The following PPIL1 variants were observed in gnomAD, a reference collection of about 807,000 sequenced individuals.
PPIL1 encodes peptidylprolyl isomerase like 1, also known as peptidyl-prolyl cis-trans isomerase-like 1.
In PPIL1, 14 loss-of-function variants were observed where a neutral mutation model predicts 19.4. The ratio of observed to expected loss-of-function variants is 0.72; its 90% CI spans 0.48 to 1.13. PPIL1 has a LOEUF of 1.13. Ranked by LOEUF, PPIL1 falls within the 50% of genes most tolerant of loss-of-function variation. PPIL1 has a pLI of 0.00. For synonymous variants in PPIL1, 72 were observed against 73.6 expected (o/e 0.98, Z 0.11); for missense variants, 192 against 218.0 (o/e 0.88, Z 0.75).
At chr6:36,871,566 C>A in intron 2 of PPIL1, 152 bp downstream of exon 2, 1 of 969,454 alleles carries the variant, frequency 1.0e-6, no homozygotes, top group Non-Finnish European at 1.5e-6. Context: ...CCAGAATCAA[C>A]CAACACAGAC....
intron 2 of PPIL1, among the ~76,000 whole-genome samples, chr6:36,862,495 A>G (rs1774311005): frequency 6.6e-6 from 1 of 152,212 alleles, no homozygotes; most frequent in Non-Finnish European, 1.5e-5. Context: ...CTTCTGAGAA[A>G]GCTACAGCTT....
intron 2 of PPIL1, among the ~76,000 whole-genome samples, chr6:36,861,185 A>G (rs1774281823): frequency 6.6e-6 from 1 of 152,144 alleles, no homozygotes; most frequent in South Asian, 2.1e-4. Flanking sequence ...CCTTATTGAA[A>G]AGGATGAACC....
In PPIL1 at chr6:36,866,074, A is replaced by C. The variant is rs74527987; in HGVS notation, c.211+5644T>G. ...GGCCAAGTGCAGAGCAGGAAGAGCT[A>C]AAGGAAGAACTTGACAGGATGTTAT... On this transcript the variant is annotated intron_variant, in intron 2 of 3. Coordinates refer to ENST00000373699, the MANE Select transcript of PPIL1 (RefSeq NM_016059.5). Among the ~76,000 whole-genome samples the C allele has an allele frequency of 3.2e-4, 49 of 152,344 alleles. 1 individual carries two copies. The South Asian group carries it at 8.7e-3, about 27-fold the overall frequency.
At chr6:36,862,892 C>T (rs917447406) in intron 2 of PPIL1, among the ~76,000 whole-genome samples, 2 of 152,210 alleles carry the variant, frequency 1.3e-5, no homozygotes. Context: ...TCTGAAGATG[C>T]TGTCTTCTCT....
At chr6:36,860,470 T>C (rs549948334) in intron 2 of PPIL1, among the ~76,000 whole-genome samples, 2 of 152,300 alleles carry the variant, frequency 1.3e-5, no homozygotes, top group Admixed American at 1.3e-4. Flanking sequence ...TTTCCTCTTC[T>C]GTCCTCTGTC....
intron 2 of PPIL1, among the ~76,000 whole-genome samples, chr6:36,868,802 C>T (rs1042802159): frequency 6.6e-6 from 1 of 152,032 alleles, no homozygotes; most frequent in African/African-American, 2.4e-5. Flanking sequence ...TATCACTGTA[C>T]TCGAGCCTGG....
At chr6:36,863,882 T>A (rs1018901816) in intron 2 of PPIL1, among the ~76,000 whole-genome samples, 1 of 151,744 alleles carries the variant, frequency 6.6e-6, no homozygotes, top group African/African-American at 2.4e-5. Flanking sequence ...TCTCCTGGTG[T>A]TCCTCGCTGC....
At chr6:36,857,001 C>T (rs1774181118) in intron 2 of PPIL1, among the ~76,000 whole-genome samples, 1 of 152,192 alleles carries the variant, frequency 6.6e-6, no homozygotes, top group South Asian at 2.1e-4. Context: ...CATTCATAAT[C>T]TGATGTGTTA....
chr6:36,869,670 G>C (rs1442067554), intron 2 of PPIL1, among the ~76,000 whole-genome samples: 1 of 152,166 alleles, frequency 6.6e-6, no homozygotes, highest in Non-Finnish European at 1.5e-5. Context: ...TAAATACACT[G>C]AAACGTAGGA....
chr6:36,868,276 T>C (rs1373001290), intron 2 of PPIL1, among the ~76,000 whole-genome samples: 5 of 151,778 alleles, frequency 3.3e-5, no homozygotes, highest in Non-Finnish European at 5.9e-5. Context: ...AGAATAAAAA[T>C]GACTGAAAAT....
intron 2 of PPIL1, among the ~76,000 whole-genome samples, chr6:36,868,720 C>A (rs1188488919): frequency 6.6e-6 from 1 of 152,106 alleles, no homozygotes; most frequent in Non-Finnish European, 1.5e-5. Flanking sequence ...CCTGTAGTCT[C>A]AGCTACTCGG....
chr6:36,866,855 C>T (rs1367259110), intron 2 of PPIL1, among the ~76,000 whole-genome samples: 1 of 152,084 alleles, frequency 6.6e-6, no homozygotes, highest in South Asian at 2.1e-4. Context: ...CCTGTTGTGC[C>T]GAACCTCTAT....
chr6:36,860,879 T>G (rs1774275033), intron 2 of PPIL1, among the ~76,000 whole-genome samples: 1 of 152,016 alleles, frequency 6.6e-6, no homozygotes, highest in South Asian at 2.1e-4. Context: ...TAAGCTTACA[T>G]AAGTGGTATT....
intron 2 of PPIL1, among the ~76,000 whole-genome samples, chr6:36,860,076 C>G (rs550127774): frequency 6.6e-6 from 1 of 151,956 alleles, no homozygotes; most frequent in Non-Finnish European, 1.5e-5. Flanking sequence ...CTGCCAGGCT[C>G]GGCCTCCCAA....
At chr6:36,867,170 C>T (rs1774411451) in intron 2 of PPIL1, among the ~76,000 whole-genome samples, 1 of 152,172 alleles carries the variant, frequency 6.6e-6, no homozygotes, top group South Asian at 2.1e-4. Context: ...AAGGAACCTC[C>T]AGGTTGGCTA....
intron 2 of PPIL1, among the ~76,000 whole-genome samples, chr6:36,859,113 T>A (rs975896040): frequency 6.6e-6 from 1 of 152,028 alleles, no homozygotes; most frequent in African/African-American, 2.4e-5. Flanking sequence ...AAGAAGTGCA[T>A]TAAGGAATAG....
chr6:36,857,170 G>A (rs1356748074), intron 2 of PPIL1, among the ~76,000 whole-genome samples: 3 of 152,162 alleles, frequency 2.0e-5, no homozygotes, highest in African/African-American at 4.8e-5. Context: ...TCAGGCAGCC[G>A]TTATTAATTA....
intron 2 of PPIL1, among the ~76,000 whole-genome samples, chr6:36,859,483 G>A (rs1254358526): frequency 6.6e-6 from 1 of 151,040 alleles, no homozygotes; most frequent in Admixed American, 6.6e-5. Flanking sequence ...GATACAGGAG[G>A]AAAGAGCATG....
At chr6:36,861,680 G>GT (rs55772980) in intron 2 of PPIL1, among the ~76,000 whole-genome samples, 32,541 of 136,274 alleles carry the variant, frequency 0.24, 3,889 homozygotes, top group African/African-American at 0.3. Flanking sequence ...TATGATCTGT[G>GT]TTTTTTTTTT....
Sources: allele counts gnomAD v4.1 joint callset (sites outside exome capture counted in the v4.1 genomes callset), GRCh38; gene constraint gnomAD v4.1.1; transcripts MANE v1.5; gene names NCBI Gene and HGNC (gene_info 2026-07-23, HGNC 2026-07-21).